The following CRISPLD2 variants were observed in gnomAD, a reference collection of about 807,000 sequenced individuals.
CRISPLD2 encodes cysteine rich secretory protein LCCL domain containing 2.
A neutral mutation model predicts 71.1 loss-of-function variants in CRISPLD2; 47 were observed. That is an observed-to-expected ratio of 0.66 (90% CI 0.52 to 0.84). The LOEUF (loss-of-function observed/expected upper bound fraction) is 0.84, where lower values mean the gene tolerates loss of function less well. Among genes scored for constraint, CRISPLD2 ranks in the 40% least tolerant of loss-of-function variants. The pLI, the probability that CRISPLD2 is intolerant of heterozygous loss-of-function variation, is 0.00. For synonymous variants in CRISPLD2, 317 were observed against 250.1 expected, an observed-to-expected ratio of 1.27 and a Z score of -2.52; for missense variants, 830 against 651.1, an observed-to-expected ratio of 1.27 and a Z score of -2.99.
chr16:84,843,735 G>A (rs528246671), intron 2 of CRISPLD2, among the ~76,000 whole-genome samples: 4 of 152,312 alleles, frequency 2.6e-5, no homozygotes, highest in Non-Finnish European at 4.4e-5. Context: ...TATGATTTTC[G>A]TGGGATGGGT....
At chr16:84,858,942 C>T (rs904595045) in intron 6 of CRISPLD2, among the ~76,000 whole-genome samples, 2 of 152,194 alleles carry the variant, frequency 1.3e-5, no homozygotes, top group African/African-American at 4.8e-5. Flanking sequence ...TGTCATTCTC[C>T]AAGATCCATC....
intron 1 of CRISPLD2, among the ~76,000 whole-genome samples, chr16:84,827,009 A>G (rs771667719): frequency 2.0e-5 from 3 of 152,016 alleles, no homozygotes; most frequent in Admixed American, 1.3e-4. Flanking sequence ...GTTGATGCTT[A>G]ACATACCAGG....
At chr16:84,838,355 C>T in intron 1 of CRISPLD2, 67 bp from the exon 2 acceptor site, 1 of 1,027,452 alleles carries the variant, frequency 9.7e-7, no homozygotes. Context: ...GCGTTCGCTG[C>T]TCCAGCCAGC....
At chr16:84,888,477 C>G (rs1032387941) in intron 13 of CRISPLD2, among the ~76,000 whole-genome samples, 1 of 152,192 alleles carries the variant, frequency 6.6e-6, no homozygotes, top group Non-Finnish European at 1.5e-5. Flanking sequence ...TTTTATCACC[C>G]AGAAACTGAA....
At chr16:84,884,083 G>T (rs1038900556) in intron 13 of CRISPLD2, among the ~76,000 whole-genome samples, 3 of 152,142 alleles carry the variant, frequency 2.0e-5, no homozygotes, top group Non-Finnish European at 4.4e-5. Flanking sequence ...GACCTCAAGT[G>T]ATCTGCCTGC....
intron 13 of CRISPLD2, among the ~76,000 whole-genome samples, chr16:84,885,132 C>T (rs2071600995): frequency 6.6e-6 from 1 of 152,226 alleles, no homozygotes; most frequent in African/African-American, 2.4e-5. Context: ...CAAAAATCTG[C>T]TCCAGCCCTC....
chr16:84,843,974 G>C (rs1377942433), intron 2 of CRISPLD2, among the ~76,000 whole-genome samples: 1 of 152,238 alleles, frequency 6.6e-6, no homozygotes, highest in Non-Finnish European at 1.5e-5. Context: ...GGGGGTCCCA[G>C]GGCTAAGACA....
intron 5 of CRISPLD2, among the ~76,000 whole-genome samples, chr16:84,851,916 G>C (rs1460671252): frequency 2.0e-5 from 3 of 152,230 alleles, no homozygotes; most frequent in African/African-American, 7.2e-5. Flanking sequence ...AGTCTCACAT[G>C]CATTAGTCTG....
intron 1 of CRISPLD2, among the ~76,000 whole-genome samples, chr16:84,824,093 G>T (rs1642627488): frequency 6.6e-6 from 1 of 150,794 alleles, no homozygotes; most frequent in East Asian, 2.0e-4. Flanking sequence ...AACAGGCAGG[G>T]TTTTGCGAGC....
At chr16:84,838,156 G>C (rs1034750748) in intron 1 of CRISPLD2, among the ~76,000 whole-genome samples, 2 of 152,200 alleles carry the variant, frequency 1.3e-5, no homozygotes, top group East Asian at 3.9e-4. Context: ...GCAGGGACTC[G>C]CTCAAGGAAA....
At chr16:84,825,549 A>G (rs1166283483) in intron 1 of CRISPLD2, among the ~76,000 whole-genome samples, 1 of 152,174 alleles carries the variant, frequency 6.6e-6, no homozygotes, top group African/African-American at 2.4e-5. Flanking sequence ...TGAGGTCAGG[A>G]GTTCGAGACC....
At chr16:84,864,352 A>C (rs369671496) in intron 6 of CRISPLD2, among the ~76,000 whole-genome samples, 5 of 152,224 alleles carry the variant, frequency 3.3e-5, no homozygotes, top group Admixed American at 2.0e-4. Flanking sequence ...GAGAGTCCTC[A>C]AATGCTTTAG....
intron 1 of CRISPLD2, among the ~76,000 whole-genome samples, chr16:84,831,591 A>T (rs763057488): frequency 2.0e-5 from 3 of 151,420 alleles, no homozygotes; most frequent in Non-Finnish European, 4.4e-5. Flanking sequence ...TTTTTAGTAG[A>T]GACAGGAGCT....
intron 5 of CRISPLD2, among the ~76,000 whole-genome samples, chr16:84,851,277 T>C (rs1214189805): frequency 1.3e-5 from 2 of 152,232 alleles, no homozygotes; most frequent in Non-Finnish European, 2.9e-5. Context: ...CTGATCATGG[T>C]GCCTCCTCCG....
intron 14 of CRISPLD2, among the ~76,000 whole-genome samples, chr16:84,902,785 T>TC (rs1480804131): frequency 7.2e-6 from 1 of 138,486 alleles, no homozygotes; most frequent in Non-Finnish European, 1.6e-5. Flanking sequence ...TTTTTTTTTT[T>TC]TTTTTTGAGA....
At chr16:84,887,184 A>G (rs2071620826) in intron 13 of CRISPLD2, among the ~76,000 whole-genome samples, 1 of 152,170 alleles carries the variant, frequency 6.6e-6, no homozygotes, top group Admixed American at 6.5e-5. Flanking sequence ...GGAGCGTTTC[A>G]GAGGTGACAT....
At chr16:84,837,945 C>G (rs1053648081) in intron 1 of CRISPLD2, among the ~76,000 whole-genome samples, 2 of 152,196 alleles carry the variant, frequency 1.3e-5, no homozygotes, top group African/African-American at 4.8e-5. Context: ...TAAGAGGAGC[C>G]ATATGTCAAC....
Position 84,879,692 on chromosome 16 carries a change from C to G in CRISPLD2, c.1230-817C>G, listed in dbSNP as rs73251553. On this transcript the variant is annotated intron_variant, in intron 12 of 14. Coordinates refer to ENST00000262424, the MANE Select transcript of CRISPLD2 (RefSeq NM_031476.4). ...TTTTTTTTTTAAATCCACACACACA[C>G]CCTTTCTCTCTACCCACTCATTTCC... Among the ~76,000 whole-genome samples the G allele has an allele frequency of 5.2e-3, 784 of 151,894 alleles. 10 individuals carry two copies. The highest frequency in any genetic ancestry group is 0.017 in the African/African-American group (711 of 41,432).
intron 1 of CRISPLD2, chr16:84,829,325 G>C (rs1916430294): frequency 6.6e-6 from 1 of 152,210 alleles, no homozygotes; most frequent in Non-Finnish European, 1.5e-5. Context: ...AGGGGAGAAA[G>C]GGCCCCCACT....
Sources: gnomAD v4.1 joint callset for allele counts (sites outside exome capture counted in the v4.1 genomes callset) on GRCh38, gnomAD v4.1.1 for gene constraint, MANE v1.5 for transcripts, NCBI Gene and HGNC (gene_info 2026-07-23, HGNC 2026-07-21) for gene names.